The following THNSL1 variants were observed in gnomAD, a reference collection of about 807,000 sequenced individuals.
THNSL1 encodes the protein threonine synthase-like 1.
THNSL1 carries 48 observed loss-of-function variants against 50.4 expected under a neutral mutation model. The observed-to-expected ratio is 0.95, with a 90% CI of 0.76 to 1.21. The LOEUF is 1.21. Ranked by LOEUF, THNSL1 falls within the 50% of genes most tolerant of loss-of-function variation. The pLI, the probability that THNSL1 is intolerant of heterozygous loss-of-function variation, is 0.00. For missense variants in THNSL1, 896 were observed against 871.7 expected (o/e 1.03, Z -0.35); for synonymous variants, 309 against 306.1 (o/e 1.01, Z -0.10).
the THNSL1 span, among the ~76,000 whole-genome samples, chr10:24,966,123 C>T: frequency 2.0e-5 from 3 of 152,366 alleles, no homozygotes; most frequent in East Asian, 1.9e-4. Context: ...TTCATCACCT[C>T]CCTCCTGAAG....
the THNSL1 span, among the ~76,000 whole-genome samples, chr10:25,004,900 C>T: frequency 2.0e-5 from 3 of 152,098 alleles, no homozygotes; most frequent in Non-Finnish European, 4.4e-5. Context: ...TTGGGTTTTA[C>T]GTTTAAGTCT....
the THNSL1 span, among the ~76,000 whole-genome samples, chr10:25,007,525 C>T: frequency 6.6e-6 from 1 of 152,198 alleles, no homozygotes; most frequent in African/African-American, 2.4e-5. Flanking sequence ...AGCTCCGCCT[C>T]CCGGGTTCAC....
chr10:25,001,559 C>T, the THNSL1 span, among the ~76,000 whole-genome samples: 1 of 152,010 alleles, frequency 6.6e-6, no homozygotes, highest in African/African-American at 2.4e-5. Context: ...CTTTTTCAGT[C>T]TATTTTTTCT....
the THNSL1 span, chr10:24,983,346 G>GT: frequency 1.3e-5 from 2 of 151,916 alleles, no homozygotes; most frequent in African/African-American, 4.8e-5. Flanking sequence ...TACCCACTCT[G>GT]TAAGTCTGGG....
At position 25,026,066 on chromosome 10, in the gene THNSL1, A is replaced by G. The variant is rs1407492938; in HGVS notation, c.*611A>G. ...GCTAATTTTTTTATTTTTAATAGAG[A>G]TGAGGTTTCGCCATGTTTTCCAGGC... On this transcript the variant is annotated 3_prime_UTR_variant, in exon 3 of 3. Coordinates refer to ENST00000376356, the MANE Select transcript of THNSL1 (RefSeq NM_024838.5). 1 of 154,002 alleles carries G rather than the reference A, an allele frequency of 6.5e-6. No individual in the cohort carries two copies. Among genetic ancestry groups the G allele is most frequent in the Non-Finnish European group, 1.5e-5 (1 of 68,208 alleles). The allele number at this position is 154,002 out of a possible 1,614,324, so 9.5% of individuals were successfully genotyped here. A position where few individuals can be genotyped will look rare whatever the true frequency, so the allele number is the denominator to read the frequency against.
the THNSL1 span, among the ~76,000 whole-genome samples, chr10:24,963,708 T>C: frequency 6.6e-6 from 1 of 152,196 alleles, no homozygotes; most frequent in African/African-American, 2.4e-5. Context: ...TGAAAAATGA[T>C]GTAAAACATC....
chr10:24,966,040 GC>G, the THNSL1 span, among the ~76,000 whole-genome samples: 1 of 152,164 alleles, frequency 6.6e-6, no homozygotes, highest in African/African-American at 2.4e-5. Context: ...ATTTGGCTTT[GC>G]CTGCAATAGT....
intron 1 of THNSL1, among the ~76,000 whole-genome samples, chr10:25,021,299 T>G (rs1011220318): frequency 6.6e-6 from 1 of 152,240 alleles, no homozygotes; most frequent in African/African-American, 2.4e-5. Flanking sequence ...AAGAGTTTTA[T>G]TTGGGCTTTT....
the THNSL1 span, among the ~76,000 whole-genome samples, chr10:24,972,459 G>GA: frequency 2.0e-5 from 3 of 151,398 alleles, no homozygotes; most frequent in South Asian, 6.2e-4. Flanking sequence ...GGTGAGCCAA[G>GA]ACCCTGCCAC....
At chr10:24,981,000 G>T in the THNSL1 span, among the ~76,000 whole-genome samples, 1 of 152,212 alleles carries the variant, frequency 6.6e-6, no homozygotes, top group East Asian at 1.9e-4. Context: ...GATTACAGGC[G>T]TGAGCCACCG....
At chr10:24,975,770 G>A in the THNSL1 span, among the ~76,000 whole-genome samples, 4 of 152,166 alleles carry the variant, frequency 2.6e-5, no homozygotes, top group African/African-American at 9.7e-5. Context: ...TTATAAATTA[G>A]CCAATCTTGG....
the THNSL1 span, among the ~76,000 whole-genome samples, chr10:24,997,684 C>T: frequency 6.6e-6 from 1 of 152,058 alleles, no homozygotes; most frequent in Non-Finnish European, 1.5e-5. Flanking sequence ...CCACTGTGCC[C>T]AGCCCTAATA....
At chr10:24,995,878 T>G in the THNSL1 span, 1 of 1,593,210 alleles carries the variant, frequency 6.3e-7, no homozygotes, top group Non-Finnish European at 8.5e-7. Flanking sequence ...TTCTGTTAAA[T>G]ATAACATTTC....
chr10:24,974,221 G>A, the THNSL1 span, among the ~76,000 whole-genome samples: 1 of 151,972 alleles, frequency 6.6e-6, no homozygotes, highest in Non-Finnish European at 1.5e-5. Context: ...TTTAGAATTT[G>A]TTTTCTTTTA....
At chr10:24,979,504 C>T in the THNSL1 span, among the ~76,000 whole-genome samples, 3 of 152,140 alleles carry the variant, frequency 2.0e-5, no homozygotes, top group Non-Finnish European at 4.4e-5. Flanking sequence ...ATTTTCTTGG[C>T]TTCCTGGTTT....
chr10:24,953,084 A>T, the THNSL1 span, among the ~76,000 whole-genome samples: 1 of 151,956 alleles, frequency 6.6e-6, no homozygotes, highest in African/African-American at 2.4e-5. Flanking sequence ...CAGAAGCGTG[A>T]AAGAGCCTGT....
At chr10:24,988,551 T>C in the THNSL1 span, among the ~76,000 whole-genome samples, 2 of 147,354 alleles carry the variant, frequency 1.4e-5, no homozygotes, top group African/African-American at 4.9e-5. Context: ...TGTAGAGATA[T>C]GAATGTGTGT....
the THNSL1 span, among the ~76,000 whole-genome samples, chr10:24,957,538 TG>T: frequency 6.6e-6 from 1 of 152,188 alleles, no homozygotes; most frequent in African/African-American, 2.4e-5. Context: ...TGGAGTGCAG[TG>T]GTTTTATCTC....
the THNSL1 span, among the ~76,000 whole-genome samples, chr10:24,957,501 G>T: frequency 6.7e-6 from 1 of 149,118 alleles, no homozygotes; most frequent in South Asian, 2.1e-4. Flanking sequence ...TTTGTTTTGA[G>T]ACGGAGTCTT....
Sources: allele counts gnomAD v4.1 joint callset (sites outside exome capture counted in the v4.1 genomes callset), GRCh38; gene constraint gnomAD v4.1.1; transcripts MANE v1.5; gene names NCBI Gene and HGNC (gene_info 2026-07-23, HGNC 2026-07-21).